Variants in ZBTB20 observed in about 807,000 individuals in gnomAD.
The protein encoded by ZBTB20 is zinc finger and BTB domain containing 20.
ZBTB20 carries 9 observed loss-of-function variants against 56.9 expected under a neutral mutation model. The observed-to-expected ratio is 0.16, with a 90% CI of 0.10 to 0.28. ZBTB20 has a LOEUF of 0.28. ZBTB20 is among the 10% of genes least tolerant of loss of function. The pLI is 1.00. For synonymous variants in ZBTB20, 417 were observed against 420.7 expected (o/e 0.99, Z 0.11); for missense variants, 655 against 1,003.0 (o/e 0.65, Z 4.69).
intron 1 of ZBTB20, among the ~76,000 whole-genome samples, chr3:115,120,057 T>C (rs1447813719): frequency 6.6e-6 from 1 of 152,136 alleles, no homozygotes; most frequent in East Asian, 1.9e-4. Context: ...GGACAGATAA[T>C]TTTTAAGGCA....
intron 3 of ZBTB20, among the ~76,000 whole-genome samples, chr3:114,915,245 A>T (rs934303726): frequency 2.0e-5 from 3 of 151,716 alleles, no homozygotes; most frequent in South Asian, 2.1e-4. Flanking sequence ...CTACCATCTC[A>T]TTACTTATTA....
chr3:114,882,562 G>C (rs566420087), intron 4 of ZBTB20, among the ~76,000 whole-genome samples: 2 of 152,014 alleles, frequency 1.3e-5, no homozygotes, highest in East Asian at 3.9e-4. Flanking sequence ...TACATTTTGT[G>C]ACATCCATAA....
chr3:114,427,285 C>T (rs1392013896), intron 7 of ZBTB20, among the ~76,000 whole-genome samples: 1 of 152,146 alleles, frequency 6.6e-6, no homozygotes, highest in Non-Finnish European at 1.5e-5. Flanking sequence ...TAAATTTACA[C>T]ACCAAGAAGT....
chr3:114,826,995 G>A (rs1413753741), intron 4 of ZBTB20, among the ~76,000 whole-genome samples: 2 of 151,606 alleles, frequency 1.3e-5, no homozygotes, highest in Non-Finnish European at 3.0e-5. Context: ...TAACATTTAG[G>A]TGCGTAAGGG....
intron 5 of ZBTB20, among the ~76,000 whole-genome samples, chr3:114,700,236 T>C (rs552562502): frequency 2.0e-5 from 3 of 152,256 alleles, no homozygotes; most frequent in South Asian, 4.1e-4. Context: ...TTCATCTTTT[T>C]ATCAAACTTT....
At chr3:114,864,733 AC>A (rs1029846038) in intron 4 of ZBTB20, among the ~76,000 whole-genome samples, 1 of 152,126 alleles carries the variant, frequency 6.6e-6, no homozygotes, top group Non-Finnish European at 1.5e-5. Context: ...CAAATTTCTA[AC>A]TATGACTTCC....
chr3:114,901,721 A>C (rs1408538126), intron 3 of ZBTB20, among the ~76,000 whole-genome samples: 8 of 152,158 alleles, frequency 5.3e-5, no homozygotes, highest in Admixed American at 4.6e-4. Flanking sequence ...AGAATATTTT[A>C]AATTTTACGG....
intron 1 of ZBTB20, among the ~76,000 whole-genome samples, chr3:115,136,969 A>T (rs528681756): frequency 6.6e-6 from 1 of 152,218 alleles, no homozygotes; most frequent in East Asian, 1.9e-4. Flanking sequence ...GGCTATCAAA[A>T]TTACAAGAAC....
intron 4 of ZBTB20, among the ~76,000 whole-genome samples, chr3:114,864,340 C>G (rs142808611): frequency 5.3e-5 from 8 of 152,140 alleles, no homozygotes; most frequent in African/African-American, 1.9e-4. Flanking sequence ...CTCAGTATCT[C>G]TCATTTCTTA....
chr3:114,675,195 A>AC (rs1055116755), intron 6 of ZBTB20, among the ~76,000 whole-genome samples: 10 of 151,810 alleles, frequency 6.6e-5, no homozygotes, highest in African/African-American at 2.2e-4. Flanking sequence ...TCCTTGCATC[A>AC]CAACCCCAGC....
chr3:114,905,068 AC>A (rs1297188717), intron 3 of ZBTB20, among the ~76,000 whole-genome samples: 1 of 151,904 alleles, frequency 6.6e-6, no homozygotes, highest in Non-Finnish European at 1.5e-5. Context: ...TCAAGTAGAA[AC>A]CTCATCTACA....
chr3:115,035,812 A>G (rs2080891616), intron 2 of ZBTB20, among the ~76,000 whole-genome samples: 1 of 152,202 alleles, frequency 6.6e-6, no homozygotes, highest in Admixed American at 6.5e-5. Flanking sequence ...AAAATATGGA[A>G]GCAATTCAAG....
chr3:114,883,541 ATTGCCACAAGCACTCTTAATATGTTT>A (rs1227631498), intron 4 of ZBTB20, among the ~76,000 whole-genome samples: 1 of 152,174 alleles, frequency 6.6e-6, no homozygotes, highest in Non-Finnish European at 1.5e-5. Flanking sequence ...TCAGGTATAT[ATTGCCACAAGCACTCTTAATATGTTT>A]TTGATATTGG....
chr3:115,028,761 A>G (rs2080534643), intron 2 of ZBTB20, among the ~76,000 whole-genome samples: 2 of 150,682 alleles, frequency 1.3e-5, no homozygotes, highest in African/African-American at 4.8e-5. Context: ...CTGAAAATGC[A>G]TGCAATAAAA....
chr3:114,907,679 A>C (rs756067136), intron 3 of ZBTB20, among the ~76,000 whole-genome samples: 1 of 151,818 alleles, frequency 6.6e-6, no homozygotes, highest in Non-Finnish European at 1.5e-5. Flanking sequence ...CTTTTTTGTC[A>C]TCACCACCTA....
At chr3:114,607,295 G>C (rs989350971) in intron 6 of ZBTB20, among the ~76,000 whole-genome samples, 2 of 121,028 alleles carry the variant, frequency 1.7e-5, no homozygotes, top group Non-Finnish European at 3.4e-5. Flanking sequence ...GCATAAAACT[G>C]TTCATTCATT....
chr3:114,776,563 C>T (rs777020226), intron 5 of ZBTB20, among the ~76,000 whole-genome samples: 1 of 152,146 alleles, frequency 6.6e-6, no homozygotes, highest in Non-Finnish European at 1.5e-5. Context: ...CCAATGATAC[C>T]GATTTTGGAC....
At chr3:114,592,620 C>G (rs1290061031) in intron 6 of ZBTB20, among the ~76,000 whole-genome samples, 7 of 152,148 alleles carry the variant, frequency 4.6e-5, no homozygotes, top group Non-Finnish European at 8.8e-5. Context: ...CATAGAGCAC[C>G]ATTTGTGCAA....
intron 4 of ZBTB20, among the ~76,000 whole-genome samples, chr3:114,838,545 A>T (rs1340288615): frequency 1.3e-5 from 2 of 151,634 alleles, no homozygotes; most frequent in Non-Finnish European, 2.9e-5. Context: ...CCATGGTGTG[A>T]CTGGGGGGGG....
Sources: allele counts gnomAD v4.1 joint callset (sites outside exome capture counted in the v4.1 genomes callset), GRCh38; gene constraint gnomAD v4.1.1; transcripts MANE v1.5; gene names NCBI Gene and HGNC (gene_info 2026-07-23, HGNC 2026-07-21).